Variants in CFH observed in about 807,000 individuals in gnomAD.
CFH encodes H factor 1 (complement).
In CFH, 53 loss-of-function variants were observed where a neutral mutation model predicts 147.3. The ratio of observed to expected loss-of-function variants is 0.36; its 90% confidence interval spans 0.29 to 0.45. CFH has a LOEUF of 0.45. Among genes scored for constraint, CFH ranks in the 20% least tolerant of loss-of-function variants. The pLI is 1.00. For synonymous variants in CFH, 536 were observed against 489.4 expected (o/e 1.10, Z -1.26); for missense variants, 1,380 against 1,498.0 (o/e 0.92, Z 1.30).
intron 1 of CFH, among the ~76,000 whole-genome samples, chr1:196,662,617 C>T (rs1035781307): frequency 7.9e-5 from 12 of 152,246 alleles, no homozygotes; most frequent in African/African-American, 2.9e-4. Flanking sequence ...CACGGTGGCT[C>T]ACTCCTGCAA....
chr1:196,711,239 T>C (rs920296683), intron 9 of CFH, among the ~76,000 whole-genome samples: 1 of 152,146 alleles, frequency 6.6e-6, no homozygotes, highest in East Asian at 1.9e-4. Context: ...TTTCTACTTT[T>C]ACTAATATCT....
chr1:196,717,597 A>G (rs1259675273), intron 11 of CFH, among the ~76,000 whole-genome samples: 1 of 152,098 alleles, frequency 6.6e-6, no homozygotes, highest in African/African-American at 2.4e-5. Flanking sequence ...TTCAATACAG[A>G]CTGTAGACAT....
At chr1:196,723,851 C>T (rs532503798) in intron 11 of CFH, among the ~76,000 whole-genome samples, 1 of 151,902 alleles carries the variant, frequency 6.6e-6, no homozygotes, top group Admixed American at 6.6e-5. Context: ...CCCCTAATAC[C>T]CCTACAATGT....
At position 196,652,135 on chromosome 1, in the gene CFH, G is replaced by C; in HGVS notation, c.18G>C (p.Lys6Asn). 6.2e-7 allele frequency: 1 copy of C among 1,612,122 alleles called. No individual in the cohort carries two copies. Among genetic ancestry groups the C allele is most frequent in the Non-Finnish European group, 8.5e-7 (1 of 1,178,330 alleles). Residue 6 changes from lysine (K) to asparagine (N), a missense_variant, in exon 1 of 22, where the codon AAG becomes AAC. Lys to Asn is a moderately conservative substitution (Grantham distance 94). Around this residue, in one of 4 missense-constraint regions of CFH, gnomAD observed 260 missense variants for 263.3 expected, o/e 0.99. Transcript: ENST00000367429. MRLLAKIICLMLWAIC... is the reference protein window; with the variant it reads MRLLANIICLMLWAIC... ...TCCAAAAAATGAGACTTCTAGCAAA[G>C]ATTATTTGCCTTATGTTATGGGCTA...
At chr1:196,701,800 C>G (rs958230698) in intron 9 of CFH, among the ~76,000 whole-genome samples, 7 of 152,042 alleles carry the variant, frequency 4.6e-5, no homozygotes, top group Non-Finnish European at 8.8e-5. Flanking sequence ...CAATGCAACC[C>G]TGATGGGCTG....
chr1:196,686,523 T>C (rs1315688151), intron 7 of CFH, among the ~76,000 whole-genome samples: 2 of 152,096 alleles, frequency 1.3e-5, no homozygotes, highest in African/African-American at 4.8e-5. Flanking sequence ...TTTCTATCTA[T>C]AAGTACATAG....
chr1:196,676,507 T>C (rs1444779850), intron 4 of CFH, among the ~76,000 whole-genome samples: 1 of 152,068 alleles, frequency 6.6e-6, no homozygotes, highest in Non-Finnish European at 1.5e-5. Flanking sequence ...GGACTTACCT[T>C]TACTGAAAAG....
At chr1:196,683,174 TAGAC>T (rs1365393994) in intron 6 of CFH, among the ~76,000 whole-genome samples, 9 of 151,406 alleles carry the variant, frequency 5.9e-5, no homozygotes, top group Non-Finnish European at 7.4e-5. Flanking sequence ...AAGCATCACT[TAGAC>T]AAAGACAAGG....
chr1:196,747,263 A>G lies in CFH; in HGVS notation c.3646A>G (p.Thr1216Ala). The change falls in exon 22 of 22, where the codon ACA (threonine) becomes GCA (alanine). Residue 1216 changes from threonine (T) to alanine (A), a missense_variant. Physicochemically the swap from Thr to Ala is moderately conservative, Grantham distance 58. Coordinates refer to ENST00000367429, the MANE Select transcript of CFH (RefSeq NM_000186.4). The stretch of plus-strand genomic sequence containing the variant: ...TTCATCACGTTCTCACACATTGCGA[A>G]CAACATGTTGGGATGGGAAACTGGA... ...RLSSRSHTLR[T>A]TCWDGKLEYP... 6.2e-7 allele frequency: 1 copy of G among 1,614,064 alleles called. No homozygotes were observed. Among genetic ancestry groups the G allele is most frequent in the South Asian group, 1.1e-5 (1 of 91,084 alleles).
intron 9 of CFH, among the ~76,000 whole-genome samples, chr1:196,698,085 C>T (rs1334615458): frequency 1.3e-5 from 2 of 151,816 alleles, no homozygotes; most frequent in South Asian, 2.1e-4. Context: ...AGCACACCAC[C>T]ATGGCACATG....
intron 10 of CFH, among the ~76,000 whole-genome samples, chr1:196,714,701 A>AGAGGGAGAGG (rs533534872): frequency 1.4e-5 from 1 of 69,246 alleles, no homozygotes; most frequent in Non-Finnish European, 2.6e-5. Context: ...AGAGAGAGAG[A>AGAGGGAGAGG]GAGAGAGAGA....
At chr1:196,736,582 A>C (rs1003091449) in intron 15 of CFH, among the ~76,000 whole-genome samples, 2 of 151,964 alleles carry the variant, frequency 1.3e-5, no homozygotes, top group Non-Finnish European at 2.9e-5. Context: ...AACTACAAGA[A>C]AGTCTATGAG....
chr1:196,676,080 T>C lies in CFH; in HGVS notation c.427+15T>C. On this transcript the variant is annotated intron_variant, in intron 4 of 21. Coordinates refer to ENST00000367429, the MANE Select transcript of CFH (RefSeq NM_000186.4). ...TATATGTGAAGGTAGACATAAAATG[T>C]ATTTACAAGTATATTGAAATAAATA... 1 of 1,450,298 alleles carries C rather than the reference T, an allele frequency of 6.9e-7. No individual in the cohort carries two copies. The highest frequency in any genetic ancestry group is 1.2e-5 in the South Asian group (1 of 84,538). The allele number at this position is 1,450,298 out of a possible 1,614,324, so 89.8% of individuals were successfully genotyped here. A position where few individuals can be genotyped will look rare whatever the true frequency, so the allele number is the denominator to read the frequency against.
chr1:196,745,935 A>T lies in CFH; in HGVS notation c.3429A>T (p.Gln1143His). The change falls in exon 21 of 22, where the codon CAA becomes CAT. Residue 1143 changes from glutamine to histidine, a missense_variant. Gln to His is a conservative substitution (Grantham distance 24). This residue lies in a region of CFH where 123 missense variants were observed against 185.3 expected (regional missense o/e 0.66). Transcript: ENST00000367429. ...SVEYQCQNLY[Q>H]LEGNKRITCR... ...AGTACCAATGCCAGAACTTGTATCA[A>T]CTTGAGGGTAACAAGCGAATAACAT... is the stretch of plus-strand genomic sequence containing the variant. 6.2e-7 allele frequency: 1 copy of T among 1,614,148 alleles called. No individual in the cohort carries two copies.
At chr1:196,744,198 T>TA (rs1415159810) in intron 20 of CFH, among the ~76,000 whole-genome samples, 1 of 152,068 alleles carries the variant, frequency 6.6e-6, no homozygotes, top group Non-Finnish European at 1.5e-5. Flanking sequence ...CTATTTTACT[T>TA]AGACTCTACC....
At chr1:196,714,712 GAGAGAGAT>G (rs1558173606) in intron 10 of CFH, among the ~76,000 whole-genome samples, 5 of 132,582 alleles carry the variant, frequency 3.8e-5, no homozygotes, top group African/African-American at 1.1e-4. Flanking sequence ...GAGAGAGAGA[GAGAGAGAT>G]GGAGTCTTGC....
At chr1:196,703,319 A>G (rs1242622703) in intron 9 of CFH, among the ~76,000 whole-genome samples, 1 of 152,180 alleles carries the variant, frequency 6.6e-6, no homozygotes. Flanking sequence ...CAGGGGGGAC[A>G]CTGAGTGGAA....
chr1:196,742,010 C>T lies in CFH; in HGVS notation c.3092C>T (p.Thr1031Ile). Residue 1031 changes from threonine (T) to isoleucine (I), a missense_variant, in exon 19 of 22, where the codon ACA (threonine) becomes ATA (isoleucine). Physicochemically the swap from Thr to Ile is moderately conservative, Grantham distance 89 (BLOSUM62 -1). Coordinates refer to ENST00000367429, the MANE Select transcript of CFH (RefSeq NM_000186.4). ...AAAATGGATGGAGCCAGTAATGTAA[C>T]ATGCATTAATAGCAGATGGACAGGA... The part of the protein sequence containing the change: ...YYKMDGASNV[T>I]CINSRWTGRP... 2.5e-6 allele frequency: 4 copies of T among 1,614,142 alleles called. No individual in the cohort carries two copies. Among genetic ancestry groups the T allele is most frequent in the Non-Finnish European group, 2.5e-6 (3 of 1,180,018 alleles).
At chr1:196,693,591 C>G (rs1400026644) in intron 9 of CFH, among the ~76,000 whole-genome samples, 2 of 152,054 alleles carry the variant, frequency 1.3e-5, no homozygotes, top group East Asian at 3.9e-4. Flanking sequence ...AGGGAGGATT[C>G]ATGCTCTGGG....
Sources: allele counts gnomAD v4.1 joint callset (sites outside exome capture counted in the v4.1 genomes callset), GRCh38; gene constraint gnomAD v4.1.1; regional missense constraint gnomAD v4.1.1; transcripts MANE v1.5; gene names NCBI Gene and HGNC (gene_info 2026-07-23, HGNC 2026-07-21).